MITF: variants seen among roughly 807,000 people sequenced by gnomAD.
MITF encodes the protein microphthalmia-associated transcription factor.
A neutral mutation model predicts 60.5 loss-of-function variants in MITF; 17 were observed. The ratio of observed to expected loss-of-function variants is 0.28; its 90% CI spans 0.19 to 0.42. The LOEUF is 0.42. MITF is among the 10% of genes least tolerant of loss of function. The pLI is 1.00. For missense variants in MITF, 622 were observed against 683.5 expected (o/e 0.91, Z 1.00); for synonymous variants, 260 against 248.5 (o/e 1.05, Z -0.43).
At chr3:69,813,181 A>T (rs956209234) in intron 1 of MITF, among the ~76,000 whole-genome samples, 3 of 152,222 alleles carry the variant, frequency 2.0e-5, no homozygotes, top group Non-Finnish European at 2.9e-5. Flanking sequence ...AGATTTTCTC[A>T]TTCCTTAATG....
intron 1 of MITF, among the ~76,000 whole-genome samples, chr3:69,845,442 C>CTTTTTTTTTTTTTTTTTCTTT (rs751773040): frequency 7.3e-6 from 1 of 136,810 alleles, no homozygotes; most frequent in Non-Finnish European, 1.5e-5. Flanking sequence ...TTTTTTCTTT[C>CTTTTTTTTTTTTTTTTTCTTT]TTTTTTTTTT....
At chr3:69,754,612 C>T (rs566459722) in intron 1 of MITF, among the ~76,000 whole-genome samples, 2 of 151,914 alleles carry the variant, frequency 1.3e-5, no homozygotes, top group African/African-American at 4.8e-5. Context: ...AACAGTGAAC[C>T]AATTACATCT....
chr3:69,755,648 G>T (rs929019569), intron 1 of MITF, among the ~76,000 whole-genome samples: 7 of 151,878 alleles, frequency 4.6e-5, no homozygotes, highest in African/African-American at 1.7e-4. Flanking sequence ...AGCAGAAAGG[G>T]GGGTTAGTCC....
intron 1 of MITF, among the ~76,000 whole-genome samples, chr3:69,838,232 A>G (rs986951803): frequency 1.2e-4 from 19 of 152,192 alleles, no homozygotes; most frequent in African/African-American, 4.1e-4. Flanking sequence ...TTAGTTCAAC[A>G]TTACAACTGA....
intron 2 of MITF, among the ~76,000 whole-genome samples, chr3:69,923,261 C>T (rs746839149): frequency 6.6e-6 from 1 of 152,118 alleles, no homozygotes; most frequent in Non-Finnish European, 1.5e-5. Context: ...TCTGCTACTT[C>T]GTAGGATTGT....
At chr3:69,803,823 T>G (rs1252065851) in intron 1 of MITF, among the ~76,000 whole-genome samples, 9 of 147,100 alleles carry the variant, frequency 6.1e-5, no homozygotes, top group Non-Finnish European at 1.2e-4. Context: ...TAACTCATGT[T>G]TTTTTTTTTT....
Position 69,923,682 on chromosome 3 carries a change from T to A in MITF, c.355-14140T>A, listed in dbSNP as rs370331349. Reference sequence around the variant, plus strand: ...GAGTCTCTATATCTTCCCATTTTCCTACCTCCTTTAAAATTCCTACCTATA... The same window carrying A: ...GAGTCTCTATATCTTCCCATTTTCCAACCTCCTTTAAAATTCCTACCTATA... On this transcript the variant is annotated intron_variant, in intron 2 of 9. Transcript: ENST00000352241. Among the ~76,000 whole-genome samples the A allele has an allele frequency of 9.8e-5, 15 of 152,348 alleles. No individual in the cohort carries two copies. The East Asian group carries it at 2.3e-3, about 24-fold the overall frequency.
chr3:69,836,896 G>A (rs951126353), intron 1 of MITF, among the ~76,000 whole-genome samples: 1 of 152,162 alleles, frequency 6.6e-6, no homozygotes, highest in Admixed American at 6.5e-5. Context: ...CAAACCAGAG[G>A]CTGACTGGCC....
At chr3:69,918,675 T>A (rs1230169811) in intron 2 of MITF, among the ~76,000 whole-genome samples, 3 of 152,190 alleles carry the variant, frequency 2.0e-5, no homozygotes, top group Non-Finnish European at 2.9e-5. Flanking sequence ...AGTTTCCTCA[T>A]CTGTGAAGTG....
intron 1 of MITF, among the ~76,000 whole-genome samples, chr3:69,836,459 A>G (rs1414416572): frequency 6.6e-6 from 1 of 152,218 alleles, no homozygotes; most frequent in East Asian, 1.9e-4. Context: ...TTTAAATGCT[A>G]CATCCAGCAA....
At chr3:69,907,467 C>T (rs959389911) in intron 2 of MITF, among the ~76,000 whole-genome samples, 3 of 152,240 alleles carry the variant, frequency 2.0e-5, no homozygotes, top group Admixed American at 6.5e-5. Context: ...ACTCTTTCTT[C>T]ATGAAAGTTA....
intron 1 of MITF, among the ~76,000 whole-genome samples, chr3:69,748,768 A>ATG (rs1224398802): frequency 6.6e-6 from 1 of 152,208 alleles, no homozygotes; most frequent in Non-Finnish European, 1.5e-5. Flanking sequence ...CAGTTTTCCC[A>ATG]TGTGATTAAG....
intron 7 of MITF, among the ~76,000 whole-genome samples, chr3:69,952,405 C>T (rs527416318): frequency 4.6e-5 from 7 of 152,082 alleles, no homozygotes; most frequent in Admixed American, 1.3e-4. Context: ...GTTTAATTTA[C>T]TCTTGATCAA....
chr3:69,746,602 C>G (rs1703737331), intron 1 of MITF, among the ~76,000 whole-genome samples: 3 of 152,062 alleles, frequency 2.0e-5, no homozygotes. Context: ...ATATGTTTGA[C>G]TACACTCCAA....
chr3:69,773,727 C>T (rs373792159), intron 1 of MITF, among the ~76,000 whole-genome samples: 20 of 152,242 alleles, frequency 1.3e-4, no homozygotes, highest in African/African-American at 4.8e-4. Flanking sequence ...TTTCCATAAA[C>T]ATCTCAAATT....
intron 2 of MITF, among the ~76,000 whole-genome samples, chr3:69,908,046 A>AT (rs1279702076): frequency 6.6e-6 from 1 of 152,096 alleles, no homozygotes; most frequent in Non-Finnish European, 1.5e-5. Flanking sequence ...GTTTTGTTTT[A>AT]TTTTTCCCTA....
At chr3:69,933,651 T>C (rs942228375) in intron 2 of MITF, among the ~76,000 whole-genome samples, 4 of 152,328 alleles carry the variant, frequency 2.6e-5, no homozygotes, top group East Asian at 1.9e-4. Flanking sequence ...TATCAATAAA[T>C]AATATTTTAT....
rs117513329 is a variant in MITF, at chr3:69,875,124, C to T, written c.105-4010C>T. On this transcript the variant is annotated intron_variant, in intron 1 of 9. Transcript: ENST00000352241. ...AAAAGCCCAGAGAGGTCAAGTGGCT[C>T]ATTAAAGCTCATGCAGCTCGGCAGT... is the stretch of plus-strand genomic sequence containing the variant. Among the ~76,000 whole-genome samples, 140 of 152,306 alleles carry T rather than the reference C, an allele frequency of 9.2e-4. 3 individuals are homozygous for T. The East Asian group carries it at 0.026, about 29-fold the overall frequency.
intron 2 of MITF, among the ~76,000 whole-genome samples, chr3:69,904,738 G>T (rs1015663915): frequency 6.6e-6 from 1 of 151,996 alleles, no homozygotes; most frequent in Admixed American, 6.6e-5. Context: ...TCTTAAGACC[G>T]TCCCAGGTAT....
Sources: gnomAD v4.1 joint callset for allele counts (sites outside exome capture counted in the v4.1 genomes callset) on GRCh38, gnomAD v4.1.1 for gene constraint, MANE v1.5 for transcripts, NCBI Gene and HGNC (gene_info 2026-07-23, HGNC 2026-07-21) for gene names.